Variants in PTPRF observed in about 807,000 individuals in gnomAD.
The protein encoded by PTPRF is receptor-type tyrosine-protein phosphatase F.
A neutral mutation model predicts 201.8 loss-of-function variants in PTPRF; 59 were observed. The observed-to-expected ratio is 0.29, with a 90% CI of 0.24 to 0.36. The LOEUF (loss-of-function observed/expected upper bound fraction) is 0.36, where lower values mean the gene tolerates loss of function less well. Ranked by LOEUF, PTPRF falls within the 10% of genes least tolerant of loss-of-function variation. The probability of loss-of-function intolerance (pLI) is 1.00; values close to 1 mark genes in which losing one functional copy is unlikely to be tolerated. For missense variants in PTPRF, 2,132 were observed against 2,690.5 expected, an observed-to-expected ratio of 0.79 and a Z score of 4.59; for synonymous variants, 1,088 against 1,089.7, an observed-to-expected ratio of 1.00 and a Z score of 0.03.
At position 43,598,869 on chromosome 1, in the gene PTPRF, C is replaced by T. The variant is rs755439618; in HGVS notation, c.2269C>T (p.Arg757Cys). 3 of 1,614,120 alleles carry T rather than the reference C, an allele frequency of 1.9e-6. No individual in the cohort carries two copies. Among genetic ancestry groups the T allele is most frequent in the Admixed American group, 1.7e-5 (1 of 60,014 alleles). ...TYVRLENGEPRGLPIIQDVML... is the reference protein window; with the variant it reads ...TYVRLENGEPCGLPIIQDVML... ...CGTGCGGCTGGAGAATGGCGAGCCC[C>T]GTGGACTCCCCATCATCCAAGACGT... Residue 757 changes from arginine (R) to cysteine (C), a missense_variant, in exon 13 of 34, where the codon CGT becomes TGT. By Grantham distance (180) the Arg-to-Cys change is radical (BLOSUM62 -3). Coordinates refer to ENST00000359947, the MANE Select transcript of PTPRF (RefSeq NM_002840.5).
chr1:43,613,644 A>G lies in PTPRF; in HGVS notation c.4000A>G (p.Ile1334Val). Reference sequence around the variant, plus strand: ...TATGCGAGACCACCCACCCATCCCCATCACCGACCTGGCGGACAACATCGA... The same window carrying G: ...TATGCGAGACCACCCACCCATCCCCGTCACCGACCTGGCGGACAACATCGA... ...PGMRDHPPIPITDLADNIERL... is the reference protein window; with the variant it reads ...PGMRDHPPIPVTDLADNIERL... Residue 1334 changes from isoleucine (I) to valine (V), a missense_variant, in exon 23 of 34, where the codon ATC (isoleucine) becomes GTC (valine). Transcript: ENST00000359947. The G allele has an allele frequency of 1.2e-6, 2 of 1,613,976 alleles. No individual in the cohort carries two copies. The highest frequency in any genetic ancestry group is 1.7e-6 in the Non-Finnish European group (2 of 1,179,930).
intron 6 of PTPRF, chr1:43,576,039 T>A: frequency 3.9e-6 from 4 of 1,020,452 alleles, no homozygotes; most frequent in Non-Finnish European, 5.5e-6. Context: ...CTCTTCAGCC[T>A]CCTCATCTCC....
intron 5 of PTPRF, among the ~76,000 whole-genome samples, chr1:43,567,096 C>G (rs901011429): frequency 2.0e-5 from 3 of 152,162 alleles, no homozygotes; most frequent in South Asian, 4.1e-4. Context: ...GGCCCTGACT[C>G]TGGCAGGCCA....
Position 43,603,487 on chromosome 1 carries a change from G to A in PTPRF, c.2412G>A (p.Gly804=). The change falls in exon 15 of 34, where the codon GGG becomes GGA. Residue 804 remains glycine (G), a synonymous_variant. Coordinates refer to ENST00000359947, the MANE Select transcript of PTPRF (RefSeq NM_002840.5). The surrounding 1 kb of genome is among the most constrained non-coding windows in gnomAD (Gnocchi z 5.8). The part of the protein sequence containing the change: ...SVTVAAYTTK[G]DGARSKPKIV... ...CTGTTGCTGCCTATACCACCAAGGG[G>A]GATGGTGCCCGCAGCAAGCCCAAAA... 1.2e-6 allele frequency: 2 copies of A among 1,614,136 alleles called. No homozygotes were observed. Among genetic ancestry groups the A allele is most frequent in the Non-Finnish European group, 1.7e-6 (2 of 1,180,018 alleles).
chr1:43,603,859 G>A lies in PTPRF; in HGVS notation c.2707G>A (p.Glu903Lys). ...AAKNRAGLGE[E>K]FEKEIRTPED... The stretch of plus-strand genomic sequence containing the variant: ...CAAGAACCGGGCTGGCTTGGGTGAG[G>A]AGTTCGAGAAGGAGATCAGGACCCC... The change falls in exon 16 of 34, where the codon GAG becomes AAG. Residue 903 changes from glutamate (E) to lysine (K), a missense_variant. Around this residue, in one of 6 missense-constraint regions of PTPRF, gnomAD observed 818 missense variants for 915.3 expected, o/e 0.89. Transcript: ENST00000359947. This position sits in a 1 kb window ranked among gnomAD's most constrained non-coding sequence, Gnocchi z 5.8. 11 of 1,614,114 alleles carry A rather than the reference G, an allele frequency of 6.8e-6. No individual in the cohort carries two copies. The highest frequency in any genetic ancestry group is 9.3e-6 in the Non-Finnish European group (11 of 1,180,034).
chr1:43,527,614 G>A (rs572967422), upstream of PTPRF, among the ~76,000 whole-genome samples: 36 of 152,374 alleles, frequency 2.4e-4, no homozygotes, highest in South Asian at 2.7e-3. Flanking sequence ...GGGGTTTGGA[G>A]CAAGAGACTG....
At chr1:43,563,885 G>A (rs1645978003) in intron 5 of PTPRF, among the ~76,000 whole-genome samples, 1 of 152,068 alleles carries the variant, frequency 6.6e-6, no homozygotes, top group Non-Finnish European at 1.5e-5. Context: ...GTGTGGGTCG[G>A]GTGTATGCGC....
intron 7 of PTPRF, among the ~76,000 whole-genome samples, chr1:43,584,922 C>T (rs965048146): frequency 2.0e-5 from 3 of 152,150 alleles, no homozygotes; most frequent in South Asian, 2.1e-4. Context: ...ATGCTGATGC[C>T]TCTGGGCGCC....
At chr1:43,597,293 A>G (rs1557809498) in intron 11 of PTPRF, among the ~76,000 whole-genome samples, 1 of 152,016 alleles carries the variant, frequency 6.6e-6, no homozygotes, top group Non-Finnish European at 1.5e-5. Flanking sequence ...GACACTGTAT[A>G]TGACACTATA....
At chr1:43,609,281 CAGA>C in intron 21 of PTPRF, 99 bp from the exon 22 acceptor site, 1 of 885,608 alleles carries the variant, frequency 1.1e-6, no homozygotes, top group South Asian at 1.6e-5. Flanking sequence ...AGTAGGAGGA[CAGA>C]GCCGTGGACA....
chr1:43,559,406 A>G (rs1377632710), intron 5 of PTPRF, among the ~76,000 whole-genome samples: 2 of 152,078 alleles, frequency 1.3e-5, no homozygotes, highest in Non-Finnish European at 2.9e-5. Flanking sequence ...TGGGCTATGT[A>G]TACAGCAAGG....
rs190993675 is a variant in PTPRF, at chr1:43,615,740, T to G, written c.4072-1705T>G. Among the ~76,000 whole-genome samples the G allele has an allele frequency of 2.1e-3, 318 of 151,804 alleles. 2 individuals are homozygous for G. In the South Asian group the frequency reaches 0.03, roughly 14 times the overall value. On this transcript the variant is annotated intron_variant, in intron 23 of 33. Coordinates refer to ENST00000359947, the MANE Select transcript of PTPRF (RefSeq NM_002840.5). ...CGCTACCACACCCGGCTAATTTTTT[T>G]TATTTTTAGTAGAGATGGGGTTTCA...
upstream of PTPRF, among the ~76,000 whole-genome samples, chr1:43,525,673 C>T (rs542701327): frequency 6.6e-5 from 10 of 151,726 alleles, no homozygotes; most frequent in East Asian, 3.9e-4. Flanking sequence ...GGCGTGGTGG[C>T]GGGCACCTGT....
chr1:43,611,887 TCTGAG>T, intron 22 of PTPRF, among the ~76,000 whole-genome samples: 1 of 152,236 alleles, frequency 6.6e-6, no homozygotes, highest in East Asian at 1.9e-4. Context: ...TCTGAGGACT[TCTGAG>T]CTGACATCAG....
rs924743288 is a variant in PTPRF, at chr1:43,598,547, G to A, written c.2120-173G>A. The A allele has an allele frequency of 1.4e-5, 9 of 638,864 alleles. No homozygotes were observed. The Admixed American group carries it at 1.5e-4, about 11-fold the overall frequency. The allele number at this position is 638,864 out of a possible 1,614,324, so 39.6% of individuals were successfully genotyped here. A position where few individuals can be genotyped will look rare whatever the true frequency, so the allele number is the denominator to read the frequency against. ...CCAGTCCTGGGCTCTTACCCGTGGCGGGCAGAGGGAGCCTTCCGTGTGCCT... is the reference window on the plus strand; with the variant it reads ...CCAGTCCTGGGCTCTTACCCGTGGCAGGCAGAGGGAGCCTTCCGTGTGCCT... On this transcript the variant is annotated intron_variant, in intron 12 of 33. Transcript: ENST00000359947.
At chr1:43,597,424 G>A (rs1021667767) in intron 11 of PTPRF, among the ~76,000 whole-genome samples, 1 of 152,164 alleles carries the variant, frequency 6.6e-6, no homozygotes, top group South Asian at 2.1e-4. Context: ...GTGTGACACA[G>A]CGTGTGACTG....
intron 5 of PTPRF, among the ~76,000 whole-genome samples, chr1:43,564,142 A>G (rs985310552): frequency 1.3e-5 from 2 of 152,288 alleles, no homozygotes; most frequent in Admixed American, 6.5e-5. Flanking sequence ...TCGAGACTCA[A>G]AGCTGCGAAG....
rs751913526 is a variant in PTPRF at position 43,617,470 on chromosome 1, C to T, written c.4097C>T (p.Thr1366Met). 9 of 1,614,060 alleles carry T rather than the reference C, an allele frequency of 5.6e-6. No homozygotes were observed. The highest frequency in any genetic ancestry group is 4.5e-5 in the East Asian group (2 of 44,882). Residue 1366 changes from threonine (T) to methionine (M), a missense_variant, in exon 24 of 34, where the codon ACG (threonine) becomes ATG (methionine). Thr to Met is a moderately conservative substitution (Grantham distance 81). Coordinates refer to ENST00000359947, the MANE Select transcript of PTPRF (RefSeq NM_002840.5). Reference protein sequence around the residue: ...YESIDPGQQFTWENSNLEVNK... With the variant: ...YESIDPGQQFMWENSNLEVNK... ...TCCATCGACCCTGGACAGCAGTTCA[C>T]GTGGGAGAATTCAAACCTGGAGGTG...
intron 11 of PTPRF, 46 bp from the exon 12 acceptor site, chr1:43,597,702 T>C (rs550296563): frequency 7.7e-7 from 1 of 1,292,726 alleles, no homozygotes; most frequent in South Asian, 1.3e-5. Context: ...GTGCCTGTGA[T>C]CCCCACCCTC....
Sources: allele counts gnomAD v4.1 joint callset (sites outside exome capture counted in the v4.1 genomes callset), GRCh38; gene constraint gnomAD v4.1.1; regional missense constraint gnomAD v4.1.1; non-coding constraint Gnocchi (gnomAD v3.1); transcripts MANE v1.5; gene names NCBI Gene and HGNC (gene_info 2026-07-23, HGNC 2026-07-21).